The following MEGF10 variants were observed in gnomAD, a reference collection of about 807,000 sequenced individuals.
MEGF10 encodes the protein multiple epidermal growth factor-like domains protein 10.
Under a neutral mutation model 147.5 loss-of-function variants are expected in MEGF10, and 86 were observed. The observed-to-expected ratio is 0.58, with a 90% CI of 0.49 to 0.70. MEGF10 has a LOEUF of 0.70. Among genes scored for constraint, MEGF10 ranks in the 30% least tolerant of loss-of-function variants. MEGF10 has a pLI of 0.00. For missense variants in MEGF10, 1,329 were observed against 1,487.3 expected (o/e 0.89, Z 1.75); for synonymous variants, 478 against 525.5 (o/e 0.91, Z 1.24).
intron 1 of MEGF10, among the ~76,000 whole-genome samples, chr5:127,326,840 T>C (rs1462834908): frequency 6.6e-6 from 1 of 152,168 alleles, no homozygotes; most frequent in East Asian, 1.9e-4. Context: ...TGGTTGAGGG[T>C]ACCGAAGTTA....
chr5:127,373,016 TCTTCTC>T (rs1211291831), intron 5 of MEGF10, among the ~76,000 whole-genome samples: 1 of 152,228 alleles, frequency 6.6e-6, no homozygotes, highest in Non-Finnish European at 1.5e-5. Context: ...AAGATTTGCT[TCTTCTC>T]CTGCATTTAT....
At chr5:127,247,444 A>AG in the MEGF10 span, among the ~76,000 whole-genome samples, 908 of 118,876 alleles carry the variant, frequency 7.6e-3, 222 homozygotes, top group African/African-American at 0.03. Flanking sequence ...GAAGAAGAAG[A>AG]AGAAGAAGAA....
intron 1 of MEGF10, among the ~76,000 whole-genome samples, chr5:127,319,618 T>C (rs1211179791): frequency 6.6e-6 from 1 of 152,184 alleles, no homozygotes; most frequent in African/African-American, 2.4e-5. Context: ...CTACCATGCT[T>C]GTATCTAATC....
Position 127,391,091 on chromosome 5 carries a change from C to T in MEGF10, c.413-5441C>T, listed in dbSNP as rs918304351. 1.9e-3 allele frequency among the ~76,000 whole-genome samples: 44 copies of T among 23,752 alleles called. 1 individual carries two copies. Among genetic ancestry groups the T allele is most frequent in the African/African-American group, 2.6e-3 (28 of 10,624 alleles). The allele number at this position is 23,752 out of a possible 152,430, so 15.6% of individuals were successfully genotyped here. A position where few individuals can be genotyped will look rare whatever the true frequency, so the allele number is the denominator to read the frequency against. On this transcript the variant is annotated intron_variant, in intron 5 of 24. Coordinates refer to ENST00000503335, the MANE Select transcript of MEGF10 (RefSeq NM_001256545.2). ...ATATATACATACATACACACATGCGCGCGCGCGCGCGCACACACACACACA... is the reference window on the plus strand; with the variant it reads ...ATATATACATACATACACACATGCGTGCGCGCGCGCGCACACACACACACA...
intron 1 of MEGF10, among the ~76,000 whole-genome samples, chr5:127,312,494 A>C (rs908300434): frequency 2.0e-5 from 3 of 152,310 alleles, no homozygotes; most frequent in Non-Finnish European, 4.4e-5. Context: ...AAAGTGCTTC[A>C]TTAAACCCCC....
chr5:127,417,111 G>A (rs764798243), intron 9 of MEGF10, among the ~76,000 whole-genome samples: 12 of 152,224 alleles, frequency 7.9e-5, no homozygotes, highest in East Asian at 3.9e-4. Context: ...GCATCTCAGC[G>A]CAGCTGATAT....
the MEGF10 span, among the ~76,000 whole-genome samples, chr5:127,264,572 T>G: frequency 6.6e-6 from 1 of 152,142 alleles, no homozygotes; most frequent in Non-Finnish European, 1.5e-5. Context: ...TCTCTGTGTC[T>G]TCGTTCTGCT....
chr5:127,242,823 T>C, the MEGF10 span, among the ~76,000 whole-genome samples: 6 of 152,134 alleles, frequency 3.9e-5, no homozygotes, highest in African/African-American at 1.4e-4. Context: ...TGCCCCCAGA[T>C]TCCTGGACCT....
chr5:127,328,245 C>T (rs562777483), intron 1 of MEGF10, among the ~76,000 whole-genome samples: 1 of 152,234 alleles, frequency 6.6e-6, no homozygotes, highest in African/African-American at 2.4e-5. Context: ...TGATCCTTGC[C>T]TCTTGATCAA....
intron 1 of MEGF10, among the ~76,000 whole-genome samples, chr5:127,312,500 C>T (rs1276627605): frequency 6.6e-6 from 1 of 152,152 alleles, no homozygotes; most frequent in Non-Finnish European, 1.5e-5. Context: ...CTTCATTAAA[C>T]CCCCAATCGC....
intron 10 of MEGF10, 94 bp downstream of exon 10, chr5:127,417,906 A>G (rs1040754161): frequency 2.3e-6 from 3 of 1,313,054 alleles, no homozygotes; most frequent in African/African-American, 3.0e-5. Context: ...AAATACAGTG[A>G]ATGTGCTAAA....
intron 10 of MEGF10, among the ~76,000 whole-genome samples, chr5:127,418,561 G>A (rs751176645): frequency 1.3e-4 from 20 of 152,178 alleles, no homozygotes; most frequent in Non-Finnish European, 2.5e-4. Flanking sequence ...TGTCTTAAGA[G>A]TCCCTTCTGT....
intron 1 of MEGF10, among the ~76,000 whole-genome samples, chr5:127,309,026 G>A (rs907681785): frequency 7.2e-5 from 11 of 152,066 alleles, no homozygotes; most frequent in South Asian, 4.2e-4. Context: ...CAAGGAGAAG[G>A]GGGTGAAGAG....
chr5:127,279,111 G>A, the MEGF10 span, among the ~76,000 whole-genome samples: 4 of 152,148 alleles, frequency 2.6e-5, no homozygotes, highest in African/African-American at 7.2e-5. Context: ...TTGAGTGTAT[G>A]GAAGTAAATT....
At chr5:127,339,718 T>G (rs1761606157) in intron 3 of MEGF10, among the ~76,000 whole-genome samples, 1 of 152,182 alleles carries the variant, frequency 6.6e-6, no homozygotes, top group African/African-American at 2.4e-5. Flanking sequence ...TGCCCTAATT[T>G]TATTGGTAGT....
chr5:127,345,121 G>C (rs74610988), intron 4 of MEGF10, among the ~76,000 whole-genome samples: 2,682 of 152,318 alleles, frequency 0.018, 69 homozygotes, highest in Middle Eastern at 0.099. Flanking sequence ...CTCATTTCAT[G>C]TTTATGTGCA....
At chr5:127,396,439 C>T in intron 5 of MEGF10, 93 bp from the exon 6 acceptor site, 1 of 1,404,860 alleles carries the variant, frequency 7.1e-7, no homozygotes, top group Non-Finnish European at 9.5e-7. Flanking sequence ...AATGAATGGC[C>T]ATGAGAGGTC....
chr5:127,447,267 C>T (rs147156786), intron 20 of MEGF10, among the ~76,000 whole-genome samples: 4 of 152,218 alleles, frequency 2.6e-5, no homozygotes, highest in African/African-American at 4.8e-5. Context: ...CCTCTACCTC[C>T]GGGGTTCAAG....
At chr5:127,322,116 A>G (rs1029970013) in intron 1 of MEGF10, among the ~76,000 whole-genome samples, 8 of 152,026 alleles carry the variant, frequency 5.3e-5, no homozygotes, top group African/African-American at 1.9e-4. Context: ...AAAGAAAAAA[A>G]AAAAGCCCTA....
Sources: allele counts gnomAD v4.1 joint callset (sites outside exome capture counted in the v4.1 genomes callset), GRCh38; gene constraint gnomAD v4.1.1; transcripts MANE v1.5; gene names NCBI Gene and HGNC (gene_info 2026-07-23, HGNC 2026-07-21).